The following RORA variants were observed in gnomAD, a reference collection of about 807,000 sequenced individuals.
The protein encoded by RORA is RAR related orphan receptor A.
Under a neutral mutation model 69.5 loss-of-function variants are expected in RORA, and 7 were observed. That is an observed-to-expected ratio of 0.10 (90% CI 0.06 to 0.19). The LOEUF (loss-of-function observed/expected upper bound fraction) is 0.19. Ranked by LOEUF, RORA falls within the 10% of genes least tolerant of loss-of-function variation. RORA has a pLI of 1.00. For missense variants in RORA, 457 were observed against 663.0 expected (o/e 0.69, Z 3.41); for synonymous variants, 261 against 240.8 (o/e 1.08, Z -0.78).
At chr15:60,863,316 C>G (rs1323785571) in intron 1 of RORA, among the ~76,000 whole-genome samples, 1 of 152,184 alleles carries the variant, frequency 6.6e-6, no homozygotes, top group Non-Finnish European at 1.5e-5. Flanking sequence ...CTACAATGTA[C>G]ACCAGTACCC....
At chr15:61,010,956 A>G (rs1895068076) in intron 1 of RORA, among the ~76,000 whole-genome samples, 1 of 152,216 alleles carries the variant, frequency 6.6e-6, no homozygotes, top group Admixed American at 6.5e-5. Flanking sequence ...TGATTAAGCC[A>G]AGCACATTTC....
At chr15:60,850,061 A>C (rs1260249659) in intron 1 of RORA, among the ~76,000 whole-genome samples, 3 of 152,180 alleles carry the variant, frequency 2.0e-5, no homozygotes, top group Non-Finnish European at 4.4e-5. Context: ...TCATTTTAAC[A>C]AGCATGGCGG....
At chr15:60,800,325 C>T (rs1441131812) in intron 1 of RORA, among the ~76,000 whole-genome samples, 1 of 152,212 alleles carries the variant, frequency 6.6e-6, no homozygotes, top group Non-Finnish European at 1.5e-5. Flanking sequence ...ATGACAAACC[C>T]CTCTGTAAGT....
chr15:60,566,933 T>C (rs1274623456), intron 2 of RORA, among the ~76,000 whole-genome samples: 2 of 152,074 alleles, frequency 1.3e-5, no homozygotes, highest in African/African-American at 4.8e-5. Flanking sequence ...GAATACTCTG[T>C]TAAGGAGTTT....
intron 1 of RORA, among the ~76,000 whole-genome samples, chr15:60,681,123 C>T (rs2070636252): frequency 6.6e-6 from 1 of 152,092 alleles, no homozygotes; most frequent in Non-Finnish European, 1.5e-5. Flanking sequence ...CCTAATTTCT[C>T]CATAGAAGCT....
At chr15:60,524,104 C>T (rs1220292782) in intron 3 of RORA, among the ~76,000 whole-genome samples, 4 of 152,164 alleles carry the variant, frequency 2.6e-5, no homozygotes, top group Non-Finnish European at 5.9e-5. Context: ...CTGCCTCCTC[C>T]CCACCCATAT....
rs899761224 is a variant in RORA at position 60,507,561 on chromosome 15, TGA to T, written c.821-1934_821-1933del. Among the ~76,000 whole-genome samples the T allele has an allele frequency of 3.9e-4, 57 of 147,670 alleles. 1 individual carries two copies. The highest frequency in any genetic ancestry group is 3.4e-3 in the Admixed American group (51 of 14,994). ...AAAGGAAAGAATGAGAAACTGAGAG[TGA>T]GAGAGAGAAGCCAGTAAATTACATG... On this transcript the variant is annotated intron_variant, in intron 5 of 10. Transcript: ENST00000335670.
intron 2 of RORA, among the ~76,000 whole-genome samples, chr15:60,538,288 A>T (rs897445545): frequency 3.3e-5 from 5 of 151,650 alleles, no homozygotes; most frequent in Non-Finnish European, 5.9e-5. Context: ...CTGAGACTGA[A>T]CTCCCTGGGT....
At chr15:60,562,611 A>T (rs1185523923) in intron 2 of RORA, among the ~76,000 whole-genome samples, 4 of 137,490 alleles carry the variant, frequency 2.9e-5, no homozygotes, top group Non-Finnish European at 4.8e-5. Flanking sequence ...AACTTTCTGT[A>T]TTTTTTTTTT....
At chr15:61,100,970 G>C (rs1156341230) in intron 1 of RORA, among the ~76,000 whole-genome samples, 2 of 152,180 alleles carry the variant, frequency 1.3e-5, no homozygotes, top group Non-Finnish European at 2.9e-5. Flanking sequence ...TGTGTGGATT[G>C]ATAGTTTATG....
At chr15:60,919,674 A>T (rs1233101183) in intron 1 of RORA, among the ~76,000 whole-genome samples, 1 of 152,170 alleles carries the variant, frequency 6.6e-6, no homozygotes, top group Non-Finnish European at 1.5e-5. Flanking sequence ...CCCCCCTACT[A>T]ATAGATAATG....
chr15:60,601,159 T>C (rs1291628466), intron 2 of RORA: 1 of 152,246 alleles, frequency 6.6e-6, no homozygotes, highest in Non-Finnish European at 1.5e-5. Context: ...ATTTCAAAAA[T>C]AGCAAGCTGA....
chr15:60,899,212 C>T (rs2140465653), intron 1 of RORA, among the ~76,000 whole-genome samples: 1 of 152,284 alleles, frequency 6.6e-6, no homozygotes, highest in Admixed American at 6.5e-5. Context: ...TAGTATCTCC[C>T]AGGGAAGATC....
At chr15:60,608,100 C>G (rs1432161069) in intron 2 of RORA, among the ~76,000 whole-genome samples, 1 of 152,184 alleles carries the variant, frequency 6.6e-6, no homozygotes, top group Non-Finnish European at 1.5e-5. Flanking sequence ...AGATCCACAT[C>G]GTACAGACTC....
chr15:60,513,318 T>C (rs769450546), intron 4 of RORA, among the ~76,000 whole-genome samples: 3 of 152,230 alleles, frequency 2.0e-5, no homozygotes, highest in Non-Finnish European at 4.4e-5. Context: ...CTATTTCTTA[T>C]ATGCAAAATT....
intron 2 of RORA, among the ~76,000 whole-genome samples, chr15:60,616,194 A>G (rs908262683): frequency 6.6e-5 from 10 of 152,198 alleles, no homozygotes; most frequent in African/African-American, 2.4e-4. Flanking sequence ...ATCAACCGAG[A>G]GCAAGGTAAA....
intron 1 of RORA, among the ~76,000 whole-genome samples, chr15:60,805,723 T>A (rs1567197443): frequency 1.3e-5 from 2 of 152,220 alleles, no homozygotes; most frequent in African/African-American, 4.8e-5. Context: ...TCTGGCAAAC[T>A]GAGCAAAAAG....
intron 2 of RORA, chr15:60,558,208 C>T: frequency 1.9e-6 from 3 of 1,573,436 alleles, no homozygotes; most frequent in Non-Finnish European, 2.6e-6. Flanking sequence ...GGTCAGGAGG[C>T]CTTTGGATTC....
At chr15:60,609,833 G>T (rs768959032) in intron 2 of RORA, among the ~76,000 whole-genome samples, 14 of 152,264 alleles carry the variant, frequency 9.2e-5, no homozygotes, top group Non-Finnish European at 2.1e-4. Context: ...TCTTCAGAAG[G>T]CTGAATGGCT....
Sources: gnomAD v4.1 joint callset for allele counts (sites outside exome capture counted in the v4.1 genomes callset) on GRCh38, gnomAD v4.1.1 for gene constraint, MANE v1.5 for transcripts, NCBI Gene and HGNC (gene_info 2026-07-23, HGNC 2026-07-21) for gene names.